The following ACOX3 variants were observed in gnomAD, a reference collection of about 807,000 sequenced individuals.
ACOX3 encodes the protein acyl-CoA oxidase 3, pristanoyl.
Under a neutral mutation model 81.5 loss-of-function variants are expected in ACOX3, and 73 were observed. The observed-to-expected ratio is 0.90, with a 90% CI of 0.74 to 1.09. The LOEUF is 1.09. Among genes scored for constraint, ACOX3 ranks in the 50% least tolerant of loss-of-function variants. The pLI is 0.00. For synonymous variants in ACOX3, 387 were observed against 375.1 expected, an observed-to-expected ratio of 1.03 and a Z score of -0.37; for missense variants, 947 against 928.0, an observed-to-expected ratio of 1.02 and a Z score of -0.27.
intron 9 of ACOX3, 30 bp downstream of exon 9, chr4:8,396,907 A>T (rs1719757767): frequency 6.3e-7 from 1 of 1,597,134 alleles, no homozygotes; most frequent in Non-Finnish European, 8.5e-7. Flanking sequence ...AAATAGAGAG[A>T]CAGTGAAAGG....
At chr4:8,383,997 G>A (rs1165337685) in intron 13 of ACOX3, among the ~76,000 whole-genome samples, 2 of 152,192 alleles carry the variant, frequency 1.3e-5, no homozygotes, top group Middle Eastern at 3.2e-3. Context: ...GTCCCACCAC[G>A]CATCAGCCAT....
Position 8,370,774 on chromosome 4 carries a change from C to T in ACOX3, c.1983+134G>A. The T allele has an allele frequency of 1.3e-6, 1 of 741,132 alleles. No homozygotes were observed. Among genetic ancestry groups the T allele is most frequent in the Non-Finnish European group, 2.2e-6 (1 of 448,008 alleles). 45.9% of individuals were successfully genotyped at this position (741,132 alleles called of 1,614,324 possible). A position where few individuals can be genotyped will look rare whatever the true frequency, so the allele number is the denominator to read the frequency against. On this transcript the variant is annotated intron_variant, in intron 17 of 17. Coordinates refer to ENST00000356406, the MANE Select transcript of ACOX3 (RefSeq NM_003501.3). The surrounding 1 kb of genome is among the most constrained non-coding windows in gnomAD (Gnocchi z 6.3). ...AGACAGTCCTGACTTGTCCCGGGCCCTCCCCAAGAAGCTCCTCCATGTGTG... is the reference window on the plus strand; with the variant it reads ...AGACAGTCCTGACTTGTCCCGGGCCTTCCCCAAGAAGCTCCTCCATGTGTG...
chr4:8,361,327 G>C (rs1715227516), downstream of ACOX3, among the ~76,000 whole-genome samples: 1 of 145,440 alleles, frequency 6.9e-6, no homozygotes, highest in Non-Finnish European at 1.5e-5. Flanking sequence ...TCAGGAGGCT[G>C]AGGCAGGACA....
In ACOX3 at chr4:8,385,733, G is replaced by A. The variant is rs370606916; in HGVS notation, c.1537+3440C>T. ...CACAGGCAAGCGCAACCCCGGAAGG[G>A]GCCTGTGTCTCTCCAGTCCTGCAGA... On this transcript the variant is annotated intron_variant, in intron 13 of 17. Transcript: ENST00000356406. The surrounding 1 kb of genome is among the most constrained non-coding windows in gnomAD (Gnocchi z 5.5). Among the ~76,000 whole-genome samples the A allele has an allele frequency of 1.1e-4, 16 of 152,306 alleles. No homozygotes were observed. In the East Asian group the frequency reaches 2.9e-3, roughly 28 times the overall value.
intron 14 of ACOX3, among the ~76,000 whole-genome samples, chr4:8,377,939 C>G (rs866478537): frequency 6.6e-6 from 1 of 152,170 alleles, no homozygotes; most frequent in Non-Finnish European, 1.5e-5. Context: ...CCCACTGCCC[C>G]CACCAGCTGC....
At chr4:8,418,403 G>A (rs1279043414) in intron 1 of ACOX3, among the ~76,000 whole-genome samples, 2 of 133,408 alleles carry the variant, frequency 1.5e-5, no homozygotes, top group African/African-American at 2.9e-5. Context: ...AAGTTGCAGT[G>A]AACCAAGATT....
chr4:8,375,482 G>A (rs746682254), intron 14 of ACOX3, among the ~76,000 whole-genome samples: 2 of 152,166 alleles, frequency 1.3e-5, no homozygotes, highest in Non-Finnish European at 2.9e-5. Context: ...GATGCTCTGC[G>A]GCTACAGAGT....
chr4:8,429,854 A>G (rs1281663580), intron 1 of ACOX3, among the ~76,000 whole-genome samples: 1 of 152,188 alleles, frequency 6.6e-6, no homozygotes, highest in Non-Finnish European at 1.5e-5. Flanking sequence ...AGGCGGGAGA[A>G]TCACTTGAGC....
chr4:8,396,135 A>G (rs1578916557), intron 9 of ACOX3, among the ~76,000 whole-genome samples: 1 of 152,284 alleles, frequency 6.6e-6, no homozygotes, highest in Middle Eastern at 3.4e-3. Context: ...CAGCTGCCCC[A>G]TCTCTGGGGA....
intron 11 of ACOX3, among the ~76,000 whole-genome samples, 153 bp downstream of exon 11, chr4:8,392,180 G>A (rs9992927): frequency 0.014 from 2,166 of 152,346 alleles, 60 homozygotes; most frequent in African/African-American, 0.049. Context: ...GCAAATGAAC[G>A]GGGGTGGCTG....
At chr4:8,410,477 TA>T in intron 5 of ACOX3, 122 bp from the exon 6 acceptor site, 1 of 1,311,660 alleles carries the variant, frequency 7.6e-7, no homozygotes, top group Non-Finnish European at 1.1e-6. Context: ...GAGTTGAAAC[TA>T]ATCGCACATT....
Position 8,397,091 on chromosome 4 carries a change from A to C in ACOX3, c.902T>G (p.Leu301Arg), listed in dbSNP as rs1578919579. The change falls in exon 9 of 18, where the codon CTG (leucine) becomes CGG (arginine). Residue 301 changes from leucine (L) to arginine (R), a missense_variant. By Grantham distance (102) the Leu-to-Arg change is moderately radical. Coordinates refer to ENST00000356406, the MANE Select transcript of ACOX3 (RefSeq NM_003501.3). Reference sequence around the variant, plus strand: ...GACCCGGCCCGAGGACAGGCTCCCCAGGGACGCTCCAAAGCGCTGCCTGAC... The same window carrying C: ...GACCCGGCCCGAGGACAGGCTCCCCCGGGACGCTCCAAAGCGCTGCCTGAC... ...KDVRQRFGASLGSLSSGRVSI... is the reference protein window; with the variant it reads ...KDVRQRFGASRGSLSSGRVSI... 6.3e-7 allele frequency: 1 copy of C among 1,583,644 alleles called. No individual in the cohort carries two copies. Among genetic ancestry groups the C allele is most frequent in the Non-Finnish European group, 8.6e-7 (1 of 1,167,524 alleles).
At chr4:8,413,492 C>G (rs1320183961) in intron 5 of ACOX3, among the ~76,000 whole-genome samples, 1 of 141,510 alleles carries the variant, frequency 7.1e-6, no homozygotes, top group African/African-American at 2.7e-5. Flanking sequence ...TGGCCCATCT[C>G]CCTCCACCCC....
At chr4:8,409,496 G>A (rs35893558) in intron 6 of ACOX3, among the ~76,000 whole-genome samples, 30,125 of 151,166 alleles carry the variant, frequency 0.2, 2,963 homozygotes, top group South Asian at 0.26. Context: ...TGTCTGCACT[G>A]TGGGTGGAGC....
At chr4:8,380,834 C>T (rs1257495173) in intron 14 of ACOX3, among the ~76,000 whole-genome samples, 1 of 152,218 alleles carries the variant, frequency 6.6e-6, no homozygotes, top group Admixed American at 6.5e-5. Flanking sequence ...CAAGAGTGCT[C>T]ATGGCACCCA....
chr4:8,401,431 C>G (rs991443283), intron 7 of ACOX3, among the ~76,000 whole-genome samples: 1 of 152,182 alleles, frequency 6.6e-6, no homozygotes, highest in Non-Finnish European at 1.5e-5. Flanking sequence ...CATTGTCACC[C>G]GGTCCTGGGC....
In ACOX3 at chr4:8,399,618, G is replaced by C. The variant is rs1356713047; in HGVS notation, c.811C>G (p.Gln271Glu). The C allele has an allele frequency of 6.2e-7, 1 of 1,614,180 alleles. No homozygotes were observed. The highest frequency in any genetic ancestry group is 1.1e-5 in the South Asian group (1 of 91,086). ...AMFHKVRVPRQSLLNRMGDVT... is the reference protein window; with the variant it reads ...AMFHKVRVPRESLLNRMGDVT... ...TCTCCCATCCGGTTCAGAAGGCTCTGGCGAGGAACTCTGACCTTGTGGAAC... is the reference window on the plus strand; with the variant it reads ...TCTCCCATCCGGTTCAGAAGGCTCTCGCGAGGAACTCTGACCTTGTGGAAC... The change falls in exon 8 of 18, where the codon CAG (glutamine) becomes GAG (glutamate). Residue 271 changes from glutamine to glutamate, a missense_variant. Physicochemically the swap from Gln to Glu is conservative, Grantham distance 29. Transcript: ENST00000356406. The surrounding 1 kb of genome is among the most constrained non-coding windows in gnomAD (Gnocchi z 4.9).
At chr4:8,418,684 AC>A (rs1285231681) in intron 1 of ACOX3, among the ~76,000 whole-genome samples, 1 of 151,512 alleles carries the variant, frequency 6.6e-6, no homozygotes, top group Non-Finnish European at 1.5e-5. Flanking sequence ...ACACGGTGAA[AC>A]CCCATCGCTA....
intron 11 of ACOX3, among the ~76,000 whole-genome samples, chr4:8,390,771 A>T (rs1026555856): frequency 6.6e-6 from 1 of 152,154 alleles, no homozygotes; most frequent in African/African-American, 2.4e-5. Flanking sequence ...TCCTGAGAGC[A>T]TGAAAGGAGT....
Sources: gnomAD v4.1 joint callset for allele counts (sites outside exome capture counted in the v4.1 genomes callset) on GRCh38, gnomAD v4.1.1 for gene constraint, Gnocchi (gnomAD v3.1) non-coding constraint, MANE v1.5 for transcripts, NCBI Gene and HGNC (gene_info 2026-07-23, HGNC 2026-07-21) for gene names.